The following FAM120B variants were observed in gnomAD, a reference collection of about 807,000 sequenced individuals.
The protein encoded by FAM120B is constitutive coactivator of peroxisome proliferator-activated receptor gamma.
Under a neutral mutation model 96.3 loss-of-function variants are expected in FAM120B, and 83 were observed. The observed-to-expected ratio is 0.86, with a 90% CI of 0.72 to 1.03. The LOEUF (loss-of-function observed/expected upper bound fraction) is 1.03. FAM120B is among the 50% of genes least tolerant of loss of function. The pLI, the probability that FAM120B is intolerant of heterozygous loss-of-function variation, is 0.00. For missense variants in FAM120B, 1,027 were observed against 1,121.2 expected, an observed-to-expected ratio of 0.92 and a Z score of 1.20; for synonymous variants, 407 against 402.7, an observed-to-expected ratio of 1.01 and a Z score of -0.13.
intron 3 of FAM120B, among the ~76,000 whole-genome samples, chr6:170,329,884 G>A (rs1033767729): frequency 1.6e-4 from 25 of 152,150 alleles, no homozygotes; most frequent in African/African-American, 5.5e-4. Flanking sequence ...TTTCTGCCCC[G>A]CATCGAAGCC....
intron 4 of FAM120B, among the ~76,000 whole-genome samples, chr6:170,336,716 G>C (rs1786449536): frequency 6.6e-6 from 1 of 152,084 alleles, no homozygotes; most frequent in Admixed American, 6.5e-5. Context: ...CTTGAGCAGT[G>C]GTTTGTAGTT....
chr6:170,309,107 C>T (rs9460109), intron 1 of FAM120B, among the ~76,000 whole-genome samples: 83,999 of 152,106 alleles, frequency 0.55, 24,801 homozygotes, highest in Non-Finnish European at 0.65. Context: ...TAGGGTTATA[C>T]ACTGTGTAAA....
At chr6:170,306,586 C>G (rs1784294214), upstream of FAM120B, 1 of 152,222 alleles carries the variant, frequency 6.6e-6, no homozygotes, top group Non-Finnish European at 1.5e-5. Context: ...CAGGCCGCGG[C>G]GTCCCACGCC....
chr6:170,397,895 G>A (rs913501282), intron 9 of FAM120B, among the ~76,000 whole-genome samples: 2 of 152,186 alleles, frequency 1.3e-5, no homozygotes, highest in Admixed American at 1.3e-4. Context: ...CCTCTCTTTC[G>A]GGCAGACTGA....
chr6:170,346,784 A>G (rs998607356), intron 4 of FAM120B, among the ~76,000 whole-genome samples: 3 of 152,038 alleles, frequency 2.0e-5, no homozygotes, highest in African/African-American at 7.2e-5. Flanking sequence ...AAAAACAGGC[A>G]GGAGCTGGGT....
intron 5 of FAM120B, among the ~76,000 whole-genome samples, chr6:170,357,454 T>G (rs1267979641): frequency 6.6e-6 from 1 of 152,204 alleles, no homozygotes; most frequent in Non-Finnish European, 1.5e-5. Flanking sequence ...CTTTGCTGTC[T>G]CTTGTTCCTC....
chr6:170,337,585 G>A (rs1018851387), intron 4 of FAM120B, among the ~76,000 whole-genome samples: 1 of 152,184 alleles, frequency 6.6e-6, no homozygotes, highest in African/African-American at 2.4e-5. Flanking sequence ...CTATTGTTTG[G>A]AATAGTTTCA....
intron 5 of FAM120B, among the ~76,000 whole-genome samples, chr6:170,350,111 C>T (rs751183956): frequency 6.6e-6 from 1 of 152,128 alleles, no homozygotes; most frequent in Non-Finnish European, 1.5e-5. Flanking sequence ...ACACAGAGAC[C>T]CAAGAGTTTT....
rs1788612407 is a variant in FAM120B, at chr6:170,363,827, C to T, written c.2283+5509C>T. 6.6e-6 allele frequency among the ~76,000 whole-genome samples: 1 copy of T among 152,050 alleles called. No individual in the cohort carries two copies. Among genetic ancestry groups the T allele is most frequent in the Non-Finnish European group, 1.5e-5 (1 of 67,992 alleles). ...TCACCCAGGCTAGAGTGCAGTGGCG[C>T]GAACTCAGCTCACTGCAACCTCAGC... is the stretch of plus-strand genomic sequence containing the variant. On this transcript the variant is annotated intron_variant, in intron 6 of 10. Coordinates refer to ENST00000476287, the MANE Select transcript of FAM120B (RefSeq NM_032448.3). The surrounding 1 kb of genome is among the most constrained non-coding windows in gnomAD (Gnocchi z 4.5).
At position 170,391,131 on chromosome 6, in the gene FAM120B, G is replaced by A. The variant is rs1790458822; in HGVS notation, c.2599+10G>A. On this transcript the variant is annotated intron_variant, in intron 8 of 10. Coordinates refer to ENST00000476287, the MANE Select transcript of FAM120B (RefSeq NM_032448.3). ...GGCTCACACCACGCAGGTGGGAAAG[G>A]GCCAGGTGCCTCTAGAAGCCCCACA... 1.3e-6 allele frequency: 2 copies of A among 1,598,976 alleles called. No homozygotes were observed. The highest frequency in any genetic ancestry group is 1.7e-5 in the Admixed American group (1 of 59,898).
At chr6:170,311,033 C>A (rs1167391585) in intron 1 of FAM120B, among the ~76,000 whole-genome samples, 3 of 152,218 alleles carry the variant, frequency 2.0e-5, no homozygotes, top group Non-Finnish European at 4.4e-5. Flanking sequence ...CCTTCTTTTT[C>A]TTCTGTGATA....
At chr6:170,345,341 T>G (rs1480324925) in intron 4 of FAM120B, among the ~76,000 whole-genome samples, 4 of 152,210 alleles carry the variant, frequency 2.6e-5, no homozygotes, top group Admixed American at 2.6e-4. Context: ...CGGTGACTCA[T>G]GCCTATAATC....
Position 170,318,879 on chromosome 6 carries a change from A to G in FAM120B, c.1489A>G (p.Ile497Val). The G allele has an allele frequency of 1.2e-6, 2 of 1,614,208 alleles. No individual in the cohort carries two copies. Among genetic ancestry groups the G allele is most frequent in the Non-Finnish European group, 1.7e-6 (2 of 1,180,050 alleles). Residue 497 changes from isoleucine to valine, a missense_variant, in exon 2 of 11, where the codon ATT becomes GTT. By Grantham distance (29) the Ile-to-Val change is conservative. Around this residue, in one of 3 missense-constraint regions of FAM120B, gnomAD observed 880 missense variants for 980.9 expected, o/e 0.90. Transcript: ENST00000476287. ...IRTDPESRQEIMCTGHESKQE... is the reference protein window; with the variant it reads ...IRTDPESRQEVMCTGHESKQE... ...GACAGACCCTGAATCTAGGCAAGAA[A>G]TTATGTGTACAGGCCATGAATCCAA... is the stretch of plus-strand genomic sequence containing the variant.
chr6:170,361,244 A>ATACGTG (rs1788432309), intron 6 of FAM120B, among the ~76,000 whole-genome samples: 1 of 140,386 alleles, frequency 7.1e-6, no homozygotes, highest in African/African-American at 2.6e-5. Flanking sequence ...ATACACGTAT[A>ATACGTG]TATATATATA....
At chr6:170,305,393 T>G (rs1186735897), upstream of FAM120B, among the ~76,000 whole-genome samples, 1 of 152,244 alleles carries the variant, frequency 6.6e-6, no homozygotes, top group East Asian at 1.9e-4. Context: ...TCAGGAAACG[T>G]AAGCCTTGTA....
chr6:170,366,303 G>T (rs550460041), intron 6 of FAM120B, among the ~76,000 whole-genome samples: 2 of 152,204 alleles, frequency 1.3e-5, no homozygotes, highest in African/African-American at 4.8e-5. Context: ...ACTCATGGGT[G>T]GGGGAAGCGG....
At position 170,405,972 on chromosome 6, in the gene FAM120B, G is replaced by A. The variant is rs546987739; in HGVS notation, c.*1221G>A. ...TTATGATGCCACAAGTGAATGGCAC[G>A]TTTGTTCCTCTTTATCTCTGAGCAT... On this transcript the variant is annotated 3_prime_UTR_variant, in exon 11 of 11. Coordinates refer to ENST00000476287, the MANE Select transcript of FAM120B (RefSeq NM_032448.3). The A allele has an allele frequency of 2.0e-5, 3 of 152,220 alleles. No homozygotes were observed. Among genetic ancestry groups the A allele is most frequent in the Admixed American group, 1.3e-4 (2 of 15,292 alleles). 9.4% of individuals were successfully genotyped at this position (152,220 alleles called of 1,614,324 possible). A position where few individuals can be genotyped will look rare whatever the true frequency, so the allele number is the denominator to read the frequency against.
At chr6:170,315,802 G>A (rs1784863702) in intron 1 of FAM120B, among the ~76,000 whole-genome samples, 1 of 152,012 alleles carries the variant, frequency 6.6e-6, no homozygotes, top group Non-Finnish European at 1.5e-5. Context: ...AGTAAATTCT[G>A]TTTGGGCACA....
At chr6:170,302,967 A>G (rs1018294574), upstream of FAM120B, among the ~76,000 whole-genome samples, 4 of 152,232 alleles carry the variant, frequency 2.6e-5, no homozygotes, top group African/African-American at 4.8e-5. Flanking sequence ...TACTGTAGTC[A>G]TAACAATTTT....
Sources: allele counts gnomAD v4.1 joint callset (sites outside exome capture counted in the v4.1 genomes callset), GRCh38; gene constraint gnomAD v4.1.1; regional missense constraint gnomAD v4.1.1; non-coding constraint Gnocchi (gnomAD v3.1); transcripts MANE v1.5; gene names NCBI Gene and HGNC (gene_info 2026-07-23, HGNC 2026-07-21).